The following STAP2 variants were observed in gnomAD, a reference collection of about 807,000 sequenced individuals.
The protein encoded by STAP2 is signal transducing adaptor family member 2.
In STAP2, 58 loss-of-function variants were observed where a neutral mutation model predicts 52.7. The ratio of observed to expected loss-of-function variants is 1.10; its 90% confidence interval spans 0.89 to 1.37. STAP2 has a LOEUF of 1.37. Among genes scored for constraint, STAP2 ranks in the 40% most tolerant of loss-of-function variants. The pLI is 0.00. For synonymous variants in STAP2, 231 were observed against 210.5 expected (o/e 1.10, Z -0.84); for missense variants, 522 against 519.4 (o/e 1.00, Z -0.05).
At chr19:4,324,922 C>G (rs1329610966) in intron 11 of STAP2, 5 of 434,546 alleles carry the variant, frequency 1.2e-5, no homozygotes, top group Middle Eastern at 6.7e-4. Flanking sequence ...ATCACGAGGT[C>G]AGGAGATCAA....
chr19:4,325,535 G>T lies in STAP2; in HGVS notation c.840C>A (p.Pro280=). The T allele has an allele frequency of 1.3e-6, 2 of 1,596,798 alleles. No individual in the cohort carries two copies. Among genetic ancestry groups the T allele is most frequent in the South Asian group, 1.1e-5 (1 of 87,324 alleles). ...APSAPGPGPA[P]CTGGPKPLSP... is the part of the protein sequence containing the mutation. The stretch of plus-strand genomic sequence containing the variant: ...ACAGCGGCTTGGGGCCACCTGTGCA[G>T]GGTGCAGGACCTGATGGGGAAACGT... Residue 280 remains proline, a synonymous_variant, in exon 10 of 13, where the codon CCC becomes CCA. Coordinates refer to ENST00000594605, the MANE Select transcript of STAP2 (RefSeq NM_001013841.2).
chr19:4,329,527 C>T (rs1772039106), intron 5 of STAP2, among the ~76,000 whole-genome samples: 1 of 152,022 alleles, frequency 6.6e-6, no homozygotes, highest in African/African-American at 2.4e-5. Context: ...TAGACCTTAC[C>T]CTGGAGGCCC....
At chr19:4,334,438 A>G (rs1450172255) in intron 1 of STAP2, among the ~76,000 whole-genome samples, 1 of 151,736 alleles carries the variant, frequency 6.6e-6, no homozygotes, top group East Asian at 1.9e-4. Context: ...CCATCCGCCC[A>G]CCCACCCATT....
At chr19:4,326,060 G>T (rs4807580) in intron 9 of STAP2, among the ~76,000 whole-genome samples, 134,201 of 152,228 alleles carry the variant, frequency 0.88, 59,546 homozygotes, top group African/African-American at 0.97. Context: ...ACACACCTGT[G>T]GTGTGTATAC....
At position 4,332,012 on chromosome 19, in the gene STAP2, C is replaced by T; in HGVS notation, c.354+10G>A. Reference sequence around the variant, plus strand: ...ATGGGAGAGAGGGCGCAGAGAGCCACTACTCTTACCTCCACCACCGTTAAG... The same window carrying T: ...ATGGGAGAGAGGGCGCAGAGAGCCATTACTCTTACCTCCACCACCGTTAAG... On this transcript the variant is annotated intron_variant, in intron 4 of 12. Transcript: ENST00000594605. 1.2e-6 allele frequency: 2 copies of T among 1,611,914 alleles called. No individual in the cohort carries two copies. Among genetic ancestry groups the T allele is most frequent in the South Asian group, 2.2e-5 (2 of 90,694 alleles).
Position 4,324,541 on chromosome 19 carries a change from G to A in STAP2, c.1073-12C>T. ...AAAGACTTTGGGCTCTGGAAGAGAA[G>A]ACAGATGAGGCCAGGTGTGGTGGCT... On this transcript the variant is annotated splice_polypyrimidine_tract_variant and intron_variant, in intron 11 of 12. Coordinates refer to ENST00000594605, the MANE Select transcript of STAP2 (RefSeq NM_001013841.2). 2.6e-6 allele frequency: 4 copies of A among 1,560,320 alleles called. No homozygotes were observed. The highest frequency in any genetic ancestry group is 3.5e-6 in the Non-Finnish European group (4 of 1,151,026).
At position 4,330,038 on chromosome 19, in the gene STAP2, G is replaced by A. The variant is rs754213637; in HGVS notation, c.378C>T (p.Thr126=). ...TCATGTATAGGTGCCCAGGAAGCAG[G>A]GTCAAGTCGGTCGGGACACGGAGCT... ...VVELRVPTDL[T]LLPGHLYMMS... is the part of the protein sequence containing the mutation. The change falls in exon 5 of 13, where the codon ACC becomes ACT. Residue 126 remains threonine (T), a synonymous_variant. Coordinates refer to ENST00000594605, the MANE Select transcript of STAP2 (RefSeq NM_001013841.2). The A allele has an allele frequency of 6.2e-6, 10 of 1,613,504 alleles. No homozygotes were observed. Among genetic ancestry groups the A allele is most frequent in the Middle Eastern group, 1.6e-4 (1 of 6,082 alleles).
At chr19:4,328,038 C>A (rs1971823023) in intron 6 of STAP2, 1 of 160,424 alleles carries the variant, frequency 6.2e-6, no homozygotes, top group Admixed American at 6.0e-5. Flanking sequence ...CTGGCCCCTG[C>A]GTACCTGACG....
chr19:4,338,727 AC>A lies in STAP2; in HGVS notation c.26del (p.Arg9LeufsTer18). The A allele has an allele frequency of 6.2e-7, 1 of 1,613,512 alleles. No homozygotes were observed. Among genetic ancestry groups the A allele is most frequent in the Non-Finnish European group, 8.5e-7 (1 of 1,179,752 alleles). ...GCAGGACACCCTTAGGCTTGGGGAC[AC>A]GGGGTGGCCTCAGGGCAGAGGCCAT... is the stretch of plus-strand genomic sequence containing the variant. MASALRPP[R>X]VPKPKGVLPS... is the part of the protein sequence containing the mutation. On this transcript the variant is annotated frameshift_variant, in exon 1 of 13. Transcript: ENST00000594605. LOFTEE classifies it high-confidence loss of function.
At position 4,338,652 on chromosome 19, in the gene STAP2, C is replaced by G. The variant is rs749961612; in HGVS notation, c.102G>C (p.Arg34=). The change falls in exon 1 of 13, where the codon CGG becomes CGC. Residue 34 remains arginine, a splice_region_variant and synonymous_variant. Transcript: ENST00000594605. ...GCCAGCCCCCGCCTCCCCACCTTAC[C>G]CGGTCACAGGGCCCCTTCTTCTCTA... ...SFLEKKGPCD[R]DYKKFWAGLQ... is the part of the protein sequence containing the mutation. 53 of 1,593,328 alleles carry G rather than the reference C, an allele frequency of 3.3e-5. No individual in the cohort carries two copies. The South Asian group carries it at 5.6e-4, about 17-fold the overall frequency.
intron 3 of STAP2, among the ~76,000 whole-genome samples, chr19:4,333,364 C>T (rs1040142010): frequency 8.6e-5 from 13 of 151,580 alleles, no homozygotes; most frequent in African/African-American, 1.7e-4. Context: ...GGAGTGGTTG[C>T]GTGCGCCTGT....
intron 8 of STAP2, 53 bp downstream of exon 8, chr19:4,327,071 G>A (rs531556434): frequency 9.3e-6 from 15 of 1,608,682 alleles, no homozygotes; most frequent in Non-Finnish European, 1.2e-5. Context: ...CCGTCCGAGC[G>A]GGGGCGGGAG....
At chr19:4,333,283 T>A (rs1172365172) in intron 3 of STAP2, among the ~76,000 whole-genome samples, 1 of 152,062 alleles carries the variant, frequency 6.6e-6, no homozygotes, top group Non-Finnish European at 1.5e-5. Flanking sequence ...TCACCTGAGG[T>A]GAGGAGTTCC....
chr19:4,329,201 G>A (rs1971847438), intron 5 of STAP2, among the ~76,000 whole-genome samples: 1 of 151,778 alleles, frequency 6.6e-6, no homozygotes, highest in African/African-American at 2.4e-5. Flanking sequence ...CCTACCTCAG[G>A]TGATCCGCCC....
intron 3 of STAP2, among the ~76,000 whole-genome samples, chr19:4,333,246 G>A (rs958309893): frequency 6.6e-6 from 1 of 151,956 alleles, no homozygotes; most frequent in Non-Finnish European, 1.5e-5. Context: ...TATAATTCCA[G>A]CAGTTTGGGA....
chr19:4,324,917 G>A (rs2002350), intron 11 of STAP2: 5,728 of 413,998 alleles, frequency 0.014, 139 homozygotes, highest in African/African-American at 0.076. Context: ...GGCGGATCAC[G>A]AGGTCAGGAG....
Position 4,328,729 on chromosome 19 carries a change from G to C in STAP2, c.536C>G (p.Pro179Arg). The C allele has an allele frequency of 6.2e-7, 1 of 1,609,214 alleles. No individual in the cohort carries two copies. Among genetic ancestry groups the C allele is most frequent in the Non-Finnish European group, 8.5e-7 (1 of 1,178,510 alleles). ...CACGCCGTCGGCGCCGTCCCCGCTGGGCCGCAGCAGCAGGTTCCCGCACTC... is the reference window on the plus strand; with the variant it reads ...CACGCCGTCGGCGCCGTCCCCGCTGCGCCGCAGCAGCAGGTTCCCGCACTC... The part of the protein sequence containing the change: ...YPECGNLLLR[P>R]SGDGADGVSV... The change falls in exon 6 of 13, where the codon CCC (proline) becomes CGC (arginine). Residue 179 changes from proline to arginine, a missense_variant. Physicochemically the swap from Pro to Arg is moderately radical, Grantham distance 103 (BLOSUM62 -2). Transcript: ENST00000594605.
At chr19:4,335,255 C>T (rs1971963853) in intron 1 of STAP2, among the ~76,000 whole-genome samples, 1 of 151,796 alleles carries the variant, frequency 6.6e-6, no homozygotes, top group South Asian at 2.1e-4. Flanking sequence ...ATCCATCATC[C>T]ATCCATGCAT....
Position 4,327,732 on chromosome 19 carries a change from C to T in STAP2, c.591-347G>A, listed in dbSNP as rs146826847. ...AAAGGTCCGCCCCTAATTCTGGCAC[C>T]GCGCCTAGGGAGAACCAGGCCCTAA... On this transcript the variant is annotated intron_variant, in intron 6 of 12. Coordinates refer to ENST00000594605, the MANE Select transcript of STAP2 (RefSeq NM_001013841.2). Among the ~76,000 whole-genome samples, 1,413 of 151,764 alleles carry T rather than the reference C, an allele frequency of 9.3e-3. 20 individuals carry two copies. The highest frequency in any genetic ancestry group is 0.014 in the Non-Finnish European group (981 of 67,904).
Sources: allele counts gnomAD v4.1 joint callset (sites outside exome capture counted in the v4.1 genomes callset), GRCh38; gene constraint gnomAD v4.1.1; transcripts MANE v1.5; gene names NCBI Gene and HGNC (gene_info 2026-07-23, HGNC 2026-07-21).